Variants in LARP4 observed in about 807,000 individuals in gnomAD.
The protein encoded by LARP4 is La ribonucleoprotein 4.
Under a neutral mutation model 92.9 loss-of-function variants are expected in LARP4, and 29 were observed. That is an observed-to-expected ratio of 0.31 (90% CI 0.23 to 0.43). The LOEUF is 0.43. LARP4 is among the 20% of genes least tolerant of loss of function. LARP4 has a pLI of 1.00. For missense variants in LARP4, 732 were observed against 860.0 expected, an observed-to-expected ratio of 0.85 and a Z score of 1.86; for synonymous variants, 279 against 284.1, an observed-to-expected ratio of 0.98 and a Z score of 0.18.
chr12:50,437,802 A>G lies in LARP4; in HGVS notation c.603A>G (p.Val201=), dbSNP rs1426026656. The G allele has an allele frequency of 3.1e-6, 5 of 1,609,178 alleles. No homozygotes were observed. In the African/African-American group the frequency reaches 5.3e-5, roughly 17 times the overall value. The change falls in exon 6 of 16, where the codon GTA becomes GTG. Residue 201 remains valine (V), a synonymous_variant. Transcript: ENST00000398473. ...GACCAAGTCATAAGCGTTGTATTGT[A>G]ATTCTTAGAGAGATTCCTGAAACAA... The part of the protein sequence containing the change: ...KVRPSHKRCI[V]ILREIPETTP...
At chr12:50,410,300 T>C (rs1047310555) in intron 1 of LARP4, among the ~76,000 whole-genome samples, 12 of 152,034 alleles carry the variant, frequency 7.9e-5, no homozygotes, top group Non-Finnish European at 1.8e-4. Context: ...TTTGAACTCC[T>C]GGCCTCAAAC....
At chr12:50,422,119 A>G (rs1385768895) in intron 1 of LARP4, among the ~76,000 whole-genome samples, 1 of 151,004 alleles carries the variant, frequency 6.6e-6, no homozygotes, top group Non-Finnish European at 1.5e-5. Flanking sequence ...ATAGGCATCC[A>G]CCCCCACGAC....
intron 13 of LARP4, among the ~76,000 whole-genome samples, chr12:50,470,929 A>G (rs2139082333): frequency 6.6e-6 from 1 of 152,288 alleles, no homozygotes; most frequent in East Asian, 1.9e-4. Context: ...AGATACTAAT[A>G]GTAAATATTT....
intron 1 of LARP4, among the ~76,000 whole-genome samples, chr12:50,403,978 C>T (rs1400271028): frequency 1.3e-5 from 2 of 152,118 alleles, no homozygotes; most frequent in African/African-American, 2.4e-5. Flanking sequence ...AATCCCAGCA[C>T]TTTGGGAGGC....
intron 7 of LARP4, among the ~76,000 whole-genome samples, chr12:50,441,023 A>T (rs1206255515): frequency 6.6e-6 from 1 of 151,268 alleles, no homozygotes; most frequent in African/African-American, 2.4e-5. Context: ...AGCTGGAATT[A>T]CAGGCACCCG....
intron 4 of LARP4, among the ~76,000 whole-genome samples, chr12:50,435,128 A>G: frequency 6.6e-6 from 1 of 152,192 alleles, no homozygotes; most frequent in East Asian, 1.9e-4. Flanking sequence ...GCATATTCTA[A>G]TATCACTGAT....
intron 10 of LARP4, among the ~76,000 whole-genome samples, chr12:50,458,240 G>A (rs1479168168): frequency 1.3e-5 from 2 of 151,820 alleles, no homozygotes; most frequent in East Asian, 1.9e-4. Context: ...AGCCCACTGC[G>A]CCCAGCCTGA....
At chr12:50,457,267 C>CG (rs897846379) in intron 10 of LARP4, among the ~76,000 whole-genome samples, 6 of 138,388 alleles carry the variant, frequency 4.3e-5, no homozygotes, top group African/African-American at 1.4e-4. Flanking sequence ...AGTGCAATGG[C>CG]GGGATCTCGG....
At chr12:50,460,148 A>AG (rs1565709313) in intron 10 of LARP4, among the ~76,000 whole-genome samples, 27 of 152,224 alleles carry the variant, frequency 1.8e-4, no homozygotes, top group African/African-American at 6.3e-4. Context: ...AAAAAAAAAA[A>AG]AAAGAAGAAG....
chr12:50,437,766 T>A lies in LARP4; in HGVS notation c.567T>A (p.Gly189=). Residue 189 remains glycine (G), a synonymous_variant, in exon 6 of 16, where the codon GGT becomes GGA. Transcript: ENST00000398473. Reference sequence around the variant, plus strand: ...CCATGGTACAAGTTGATGAGAAGGGTGAGAAAGTGAGACCAAGTCATAAGC... The same window carrying A: ...CCATGGTACAAGTTGATGAGAAGGGAGAGAAAGTGAGACCAAGTCATAAGC... ...SSPMVQVDEK[G]EKVRPSHKRC... is the part of the protein sequence containing the mutation. 6.2e-7 allele frequency: 1 copy of A among 1,611,794 alleles called. No homozygotes were observed. Among genetic ancestry groups the A allele is most frequent in the Non-Finnish European group, 8.5e-7 (1 of 1,178,300 alleles).
At chr12:50,435,390 T>C (rs1219774077) in intron 4 of LARP4, 98 bp from the exon 5 acceptor site, 1 of 725,910 alleles carries the variant, frequency 1.4e-6, no homozygotes, top group African/African-American at 1.8e-5. Flanking sequence ...AATAATCTTA[T>C]TTCCATGCAT....
chr12:50,426,685 GTGTGTGTGTGTGT>G (rs1948770304), intron 1 of LARP4, among the ~76,000 whole-genome samples: 6 of 34,224 alleles, frequency 1.8e-4, no homozygotes, highest in African/African-American at 3.3e-4. Context: ...TATGTTTGGG[GTGTGTGTGTGTGT>G]GTGTGTGTGT....
chr12:50,445,196 G>A lies in LARP4; in HGVS notation c.804+3553G>A, dbSNP rs148849087. On this transcript the variant is annotated intron_variant, in intron 8 of 15. Transcript: ENST00000398473. ...TGGGACTATAGACGTGAGCCACTGC[G>A]CCCAGCATTTGTGATGAGTATTTTC... Among the ~76,000 whole-genome samples, 90 of 152,198 alleles carry A rather than the reference G, an allele frequency of 5.9e-4. 2 individuals are homozygous for A. Among genetic ancestry groups the A allele is most frequent in the Admixed American group, 2.0e-3 (31 of 15,278 alleles).
intron 4 of LARP4, among the ~76,000 whole-genome samples, chr12:50,434,322 T>G (rs1269897400): frequency 6.6e-6 from 1 of 152,102 alleles, no homozygotes; most frequent in Non-Finnish European, 1.5e-5. Flanking sequence ...CAAGATTTTA[T>G]GTGTAAGATG....
intron 1 of LARP4, among the ~76,000 whole-genome samples, chr12:50,416,659 A>G (rs962512919): frequency 1.3e-5 from 2 of 151,944 alleles, no homozygotes; most frequent in African/African-American, 2.4e-5. Flanking sequence ...GCTCCATCCT[A>G]GGCCGCAGAG....
chr12:50,416,862 G>C (rs1388786095), intron 1 of LARP4, among the ~76,000 whole-genome samples: 1 of 151,410 alleles, frequency 6.6e-6, no homozygotes, highest in Non-Finnish European at 1.5e-5. Flanking sequence ...CTGTAGCTTG[G>C]GAGCCTGAGG....
chr12:50,465,981 A>G (rs1257339321), intron 12 of LARP4, among the ~76,000 whole-genome samples: 1 of 152,226 alleles, frequency 6.6e-6, no homozygotes, highest in Non-Finnish European at 1.5e-5. Flanking sequence ...GGTCAGGGGA[A>G]AAAGAGCACA....
chr12:50,448,411 T>G (rs1368230704), intron 8 of LARP4, among the ~76,000 whole-genome samples: 1 of 152,182 alleles, frequency 6.6e-6, no homozygotes, highest in Non-Finnish European at 1.5e-5. Context: ...TGGCCATTGT[T>G]TCCTCTATAT....
At chr12:50,447,072 A>G (rs947879850) in intron 8 of LARP4, among the ~76,000 whole-genome samples, 1 of 152,174 alleles carries the variant, frequency 6.6e-6, no homozygotes, top group Non-Finnish European at 1.5e-5. Context: ...TTTCTAATCT[A>G]ACCTTCTTAT....
Sources: allele counts gnomAD v4.1 joint callset (sites outside exome capture counted in the v4.1 genomes callset), GRCh38; gene constraint gnomAD v4.1.1; transcripts MANE v1.5; gene names NCBI Gene and HGNC (gene_info 2026-07-23, HGNC 2026-07-21).